Variants in NRG3 observed in about 807,000 individuals in gnomAD.
The protein encoded by NRG3 is neuregulin 3.
In NRG3, 31 loss-of-function variants were observed where a neutral mutation model predicts 66.9. The observed-to-expected ratio is 0.46, with a 90% CI of 0.35 to 0.63. The LOEUF (loss-of-function observed/expected upper bound fraction) is 0.63, where lower values mean the gene tolerates loss of function less well. NRG3 is among the 20% of genes least tolerant of loss of function. NRG3 has a pLI of 0.00. For synonymous variants in NRG3, 393 were observed against 359.4 expected (o/e 1.09, Z -1.06); for missense variants, 910 against 878.9 (o/e 1.04, Z -0.45).
intron 1 of NRG3, among the ~76,000 whole-genome samples, chr10:82,074,560 GC>G (rs1249655228): frequency 6.6e-6 from 1 of 152,146 alleles, no homozygotes; most frequent in Non-Finnish European, 1.5e-5. Flanking sequence ...AGATAAGAGT[GC>G]CTTGGAGTAA....
rs139594656 is a variant in NRG3 at position 82,165,104 on chromosome 10, G to T, written c.824-193635G>T. ...TATAAGTACTATATTGCATTCCATT[G>T]TATGGATGCTACCATTTGCTAATCA... On this transcript the variant is annotated intron_variant, in intron 1 of 8. Coordinates refer to ENST00000372141, the MANE Select transcript of NRG3 (RefSeq NM_001010848.4). 1.4e-3 allele frequency among the ~76,000 whole-genome samples: 212 copies of T among 152,096 alleles called. 1 individual carries two copies. The highest frequency in any genetic ancestry group is 4.9e-3 in the African/African-American group (202 of 41,534).
chr10:82,343,358 A>T (rs1435294636), intron 1 of NRG3, among the ~76,000 whole-genome samples: 1 of 152,132 alleles, frequency 6.6e-6, no homozygotes, highest in East Asian at 1.9e-4. Context: ...GAAGTGAAAG[A>T]TCTCTACAAG....
chr10:82,401,563 C>A (rs1355666508), intron 2 of NRG3, among the ~76,000 whole-genome samples: 1 of 152,082 alleles, frequency 6.6e-6, no homozygotes, highest in East Asian at 1.9e-4. Context: ...CTCTTCCCTT[C>A]TCTTACATGA....
chr10:82,209,537 A>T (rs2075295021), intron 1 of NRG3, among the ~76,000 whole-genome samples: 1 of 152,084 alleles, frequency 6.6e-6, no homozygotes, highest in Admixed American at 6.6e-5. Flanking sequence ...GCAATCAGAC[A>T]TTTTTTTGAC....
At chr10:82,248,412 A>T (rs756047942) in intron 1 of NRG3, among the ~76,000 whole-genome samples, 1 of 152,074 alleles carries the variant, frequency 6.6e-6, no homozygotes, top group Admixed American at 6.5e-5. Flanking sequence ...TCTCACCAAG[A>T]TGTTGAACTG....
chr10:82,235,492 C>A (rs906016721), intron 1 of NRG3, among the ~76,000 whole-genome samples: 1 of 152,096 alleles, frequency 6.6e-6, no homozygotes, highest in Non-Finnish European at 1.5e-5. Flanking sequence ...AGTTCAGACT[C>A]TATTATGTTC....
intron 4 of NRG3, among the ~76,000 whole-genome samples, chr10:82,879,467 CTTTTTTT>C (rs201614818): frequency 1.6e-5 from 2 of 121,846 alleles, no homozygotes; most frequent in South Asian, 2.6e-4. Context: ...CTAATGAAGA[CTTTTTTT>C]TTTTTTTTTT....
chr10:82,057,916 G>T (rs375027901), intron 1 of NRG3, among the ~76,000 whole-genome samples: 1 of 151,700 alleles, frequency 6.6e-6, no homozygotes, highest in African/African-American at 2.4e-5. Context: ...ATAAACTGAA[G>T]AAAACTTCCC....
intron 1 of NRG3, among the ~76,000 whole-genome samples, chr10:82,193,861 G>A (rs2074301171): frequency 6.6e-6 from 1 of 152,128 alleles, no homozygotes; most frequent in African/African-American, 2.4e-5. Context: ...AAATGTTGAG[G>A]CTTAACGGCA....
chr10:82,822,981 C>A (rs1008287526), intron 3 of NRG3, among the ~76,000 whole-genome samples: 1 of 152,164 alleles, frequency 6.6e-6, no homozygotes, highest in Non-Finnish European at 1.5e-5. Context: ...GATAACAATT[C>A]GAATGCCTAG....
chr10:82,003,220 C>T (rs1041557058), intron 1 of NRG3, among the ~76,000 whole-genome samples: 1 of 152,110 alleles, frequency 6.6e-6, no homozygotes, highest in Non-Finnish European at 1.5e-5. Context: ...AGGAATGGCT[C>T]ATGGGCAGAA....
intron 1 of NRG3, among the ~76,000 whole-genome samples, chr10:82,269,604 C>T (rs530872231): frequency 2.6e-5 from 4 of 152,052 alleles, no homozygotes; most frequent in East Asian, 1.9e-4. Context: ...ATTTTTGACT[C>T]TTTATCTGTA....
At chr10:82,750,138 G>T (rs1349997170) in intron 3 of NRG3, among the ~76,000 whole-genome samples, 4 of 152,140 alleles carry the variant, frequency 2.6e-5, no homozygotes, top group Admixed American at 2.0e-4. Context: ...ATAAATAGCA[G>T]AATTACCTAT....
At chr10:81,948,826 G>C (rs1465723325) in intron 1 of NRG3, among the ~76,000 whole-genome samples, 2 of 152,146 alleles carry the variant, frequency 1.3e-5, no homozygotes, top group African/African-American at 2.4e-5. Flanking sequence ...ACTAGCCCTA[G>C]GTTCGATAAT....
chr10:82,552,054 C>A (rs181603776), intron 2 of NRG3, among the ~76,000 whole-genome samples: 3 of 152,070 alleles, frequency 2.0e-5, no homozygotes, highest in Non-Finnish European at 4.4e-5. Context: ...TCCAGCCAGG[C>A]CTTCATGACT....
chr10:82,856,767 A>C (rs1181453376), intron 3 of NRG3, among the ~76,000 whole-genome samples: 2 of 151,076 alleles, frequency 1.3e-5, no homozygotes, highest in East Asian at 1.9e-4. Flanking sequence ...AAAAAAAAAA[A>C]AAAAAAGAAA....
intron 1 of NRG3, among the ~76,000 whole-genome samples, chr10:81,906,749 T>C (rs1230352860): frequency 6.6e-6 from 1 of 151,950 alleles, no homozygotes; most frequent in Non-Finnish European, 1.5e-5. Flanking sequence ...ATAGACGAGA[T>C]GGAGGCAGGA....
intron 1 of NRG3, among the ~76,000 whole-genome samples, chr10:81,892,514 G>A (rs753110762): frequency 6.6e-6 from 1 of 152,050 alleles, no homozygotes; most frequent in Non-Finnish European, 1.5e-5. Context: ...GGTATTCCTA[G>A]GGCCCTATTG....
At chr10:81,887,416 A>G (rs142462315) in intron 1 of NRG3, among the ~76,000 whole-genome samples, 227 of 152,288 alleles carry the variant, frequency 1.5e-3, no homozygotes, top group African/African-American at 5.0e-3. Context: ...TCAATAAGTT[A>G]TATACACATA....
Sources: allele counts gnomAD v4.1 joint callset (sites outside exome capture counted in the v4.1 genomes callset), GRCh38; gene constraint gnomAD v4.1.1; transcripts MANE v1.5; gene names NCBI Gene and HGNC (gene_info 2026-07-23, HGNC 2026-07-21).